Variants in FCHSD2 observed in about 807,000 individuals in gnomAD.
FCHSD2 encodes the protein F-BAR and double SH3 domains protein 2.
In FCHSD2, 38 loss-of-function variants were observed where a neutral mutation model predicts 108.1. The ratio of observed to expected loss-of-function variants is 0.35; its 90% CI spans 0.27 to 0.46. The LOEUF (loss-of-function observed/expected upper bound fraction) is 0.46, where lower values mean the gene tolerates loss of function less well. FCHSD2 is among the 20% of genes least tolerant of loss of function. The pLI, the probability that FCHSD2 is intolerant of heterozygous loss-of-function variation, is 1.00. For synonymous variants in FCHSD2, 279 were observed against 314.7 expected (o/e 0.89, Z 1.20); for missense variants, 751 against 897.8 (o/e 0.84, Z 2.09).
At chr11:72,949,275 C>A (rs1856578372) in intron 8 of FCHSD2, among the ~76,000 whole-genome samples, 2 of 151,842 alleles carry the variant, frequency 1.3e-5, no homozygotes, top group Admixed American at 6.6e-5. Flanking sequence ...CATGGTGAAA[C>A]CCTGTCTCTA....
chr11:73,004,833 C>T (rs1857706504), intron 4 of FCHSD2, among the ~76,000 whole-genome samples: 1 of 152,150 alleles, frequency 6.6e-6, no homozygotes, highest in Admixed American at 6.5e-5. Context: ...CCATTCTTCA[C>T]CCACCCTTCT....
At chr11:73,128,774 T>G (rs1481457434) in intron 2 of FCHSD2, among the ~76,000 whole-genome samples, 1 of 152,222 alleles carries the variant, frequency 6.6e-6, no homozygotes, top group Non-Finnish European at 1.5e-5. Context: ...TGGTGAAAGA[T>G]TCTGTAGCAT....
At position 72,887,607 on chromosome 11, in the gene FCHSD2, G is replaced by GT. The variant is rs758847466; in HGVS notation, c.1042-34dup. The GT allele has an allele frequency of 1.6e-5, 22 of 1,335,092 alleles. No individual in the cohort carries two copies. In the South Asian group the frequency reaches 3.1e-4, roughly 19 times the overall value. The allele number at this position is 1,335,092 out of a possible 1,614,324, so 82.7% of individuals were successfully genotyped here. ...AGAAAATGGGACAATAATGATGACT[G>GT]TTTTTTACTTTTCATCTTCCTTAAG... is the stretch of plus-strand genomic sequence containing the variant. On this transcript the variant is annotated intron_variant, in intron 11 of 19. Transcript: ENST00000409418.
intron 11 of FCHSD2, 50 bp downstream of exon 11, chr11:72,889,775 CTGTT>C: frequency 1.0e-6 from 1 of 984,222 alleles, no homozygotes; most frequent in East Asian, 2.4e-5. Context: ...GTTCCTTAAA[CTGTT>C]TGACATTTGG....
At chr11:72,856,251 G>A (rs1240931261) in intron 13 of FCHSD2, among the ~76,000 whole-genome samples, 1 of 152,178 alleles carries the variant, frequency 6.6e-6, no homozygotes, top group African/African-American at 2.4e-5. Context: ...GAGGCCAAGT[G>A]CATGGCCCTG....
chr11:73,128,901 T>G (rs1232285800), intron 2 of FCHSD2, among the ~76,000 whole-genome samples: 2 of 152,228 alleles, frequency 1.3e-5, no homozygotes, highest in Non-Finnish European at 2.9e-5. Flanking sequence ...AGACAGAGTC[T>G]CGCTCTGTTG....
chr11:72,866,702 T>C (rs949704155), intron 13 of FCHSD2, among the ~76,000 whole-genome samples: 2 of 152,222 alleles, frequency 1.3e-5, no homozygotes, highest in African/African-American at 2.4e-5. Flanking sequence ...AGATTGTTTT[T>C]CCTTAAAATG....
intron 5 of FCHSD2, among the ~76,000 whole-genome samples, chr11:72,997,764 G>A (rs1352896267): frequency 6.6e-6 from 1 of 152,144 alleles, no homozygotes; most frequent in Non-Finnish European, 1.5e-5. Context: ...GCAGTGGCAC[G>A]ATCTCGACTT....
At chr11:73,122,588 T>C (rs990450026) in intron 2 of FCHSD2, among the ~76,000 whole-genome samples, 56 of 152,078 alleles carry the variant, frequency 3.7e-4, no homozygotes, top group African/African-American at 1.3e-3. Context: ...TTAAATCAAA[T>C]AGGCAAAAGT....
At chr11:73,036,583 T>C (rs1333453192) in intron 3 of FCHSD2, among the ~76,000 whole-genome samples, 2 of 152,210 alleles carry the variant, frequency 1.3e-5, no homozygotes, top group African/African-American at 2.4e-5. Context: ...ATAATCATGA[T>C]TACTGTGATT....
chr11:73,142,123 C>G lies in FCHSD2; in HGVS notation c.-246G>C, dbSNP rs1397981795. The G allele has an allele frequency of 2.7e-6, 1 of 375,012 alleles. No individual in the cohort carries two copies. The highest frequency in any genetic ancestry group is 4.8e-6 in the Non-Finnish European group (1 of 208,136). 23.2% of individuals were successfully genotyped at this position (375,012 alleles called of 1,614,324 possible). A position where few individuals can be genotyped will look rare whatever the true frequency, so the allele number is the denominator to read the frequency against. On this transcript the variant is annotated 5_prime_UTR_variant, in exon 1 of 20. Transcript: ENST00000409418. ...TGGGGCCCGGGCGGCCCGGGCGGCC[C>G]GGGGGTGTGTGAGGAAGGAGGCGGA...
intron 3 of FCHSD2, among the ~76,000 whole-genome samples, chr11:73,047,417 C>T (rs908246769): frequency 6.6e-6 from 1 of 152,036 alleles, no homozygotes; most frequent in African/African-American, 2.4e-5. Context: ...ATGATTTGTA[C>T]TTGGGATTAT....
At chr11:73,025,782 T>A (rs901778083) in intron 3 of FCHSD2, among the ~76,000 whole-genome samples, 1 of 152,202 alleles carries the variant, frequency 6.6e-6, no homozygotes, top group Non-Finnish European at 1.5e-5. Context: ...AGAATTTTTT[T>A]AAAGCTATAT....
intron 8 of FCHSD2, among the ~76,000 whole-genome samples, chr11:72,933,448 C>T (rs890640930): frequency 3.3e-5 from 5 of 152,230 alleles, no homozygotes; most frequent in African/African-American, 4.8e-5. Context: ...CTTGAGCAAG[C>T]ACCATCTCAT....
At chr11:72,950,976 T>C (rs762885986) in intron 8 of FCHSD2, among the ~76,000 whole-genome samples, 34 of 152,302 alleles carry the variant, frequency 2.2e-4, no homozygotes, top group Admixed American at 3.9e-4. Context: ...CTTAAGAGAA[T>C]AGGTGTGTCT....
intron 8 of FCHSD2, among the ~76,000 whole-genome samples, chr11:72,966,102 G>A (rs981549690): frequency 7.9e-5 from 12 of 151,588 alleles, no homozygotes; most frequent in African/African-American, 1.5e-4. Flanking sequence ...AACTACCAGC[G>A]TGATGGATAC....
chr11:73,134,938 A>G (rs528057618), intron 2 of FCHSD2, among the ~76,000 whole-genome samples: 52 of 152,180 alleles, frequency 3.4e-4, no homozygotes, highest in Non-Finnish European at 5.4e-4. Context: ...TCCACCTCCC[A>G]GGTTCAAGTG....
chr11:73,132,208 T>C (rs1215452151), intron 2 of FCHSD2, among the ~76,000 whole-genome samples: 1 of 152,246 alleles, frequency 6.6e-6, no homozygotes, highest in Non-Finnish European at 1.5e-5. Flanking sequence ...TTATAATTCA[T>C]GAAACACGAT....
chr11:72,853,803 G>C (rs1403638323), intron 13 of FCHSD2, among the ~76,000 whole-genome samples: 1 of 152,114 alleles, frequency 6.6e-6, no homozygotes, highest in Non-Finnish European at 1.5e-5. Flanking sequence ...AATGGGATAA[G>C]GTATTTGCAA....
Sources: gnomAD v4.1 joint callset for allele counts (sites outside exome capture counted in the v4.1 genomes callset) on GRCh38, gnomAD v4.1.1 for gene constraint, MANE v1.5 for transcripts, NCBI Gene and HGNC (gene_info 2026-07-23, HGNC 2026-07-21) for gene names.